Variants in ADAMTS7 observed in about 807,000 individuals in gnomAD.
ADAMTS7 encodes the protein A disintegrin and metalloproteinase with thrombospondin motifs 7.
ADAMTS7 carries 89 observed loss-of-function variants against 172.6 expected under a neutral mutation model. The ratio of observed to expected loss-of-function variants is 0.52; its 90% CI spans 0.43 to 0.61. The LOEUF (loss-of-function observed/expected upper bound fraction) is 0.61, where lower values mean the gene tolerates loss of function less well. ADAMTS7 is among the 20% of genes least tolerant of loss of function. The pLI is 0.00. For missense variants in ADAMTS7, 1,973 were observed against 2,355.6 expected, an observed-to-expected ratio of 0.84 and a Z score of 3.36; for synonymous variants, 885 against 978.4, an observed-to-expected ratio of 0.90 and a Z score of 1.78.
rs1346788036 is a variant in ADAMTS7 at position 78,810,950 on chromosome 15, C to A, written c.100+171G>T. The A allele has an allele frequency of 3.0e-5, 22 of 721,702 alleles. No individual in the cohort carries two copies. In the Admixed American group the frequency reaches 3.1e-4, roughly 10 times the overall value. 44.7% of individuals were successfully genotyped at this position (721,702 alleles called of 1,614,324 possible). A position where few individuals can be genotyped will look rare whatever the true frequency, so the allele number is the denominator to read the frequency against. The stretch of plus-strand genomic sequence containing the variant: ...CAGAAGCGCGGCTTCGCTCCCGGCC[C>A]GGCCCGACCCCGACTACTGTCCCCT... On this transcript the variant is annotated intron_variant, in intron 1 of 23. Transcript: ENST00000388820.
chr15:78,772,589 G>C (rs985708005), intron 14 of ADAMTS7, among the ~76,000 whole-genome samples: 6 of 152,188 alleles, frequency 3.9e-5, no homozygotes, highest in Admixed American at 6.5e-5. Flanking sequence ...AACCTTCCCT[G>C]ACTTCCCCAG....
chr15:78,783,189 A>G (rs920059712), intron 8 of ADAMTS7, among the ~76,000 whole-genome samples: 20 of 152,320 alleles, frequency 1.3e-4, no homozygotes, highest in South Asian at 1.0e-3. Context: ...AGAGACTTGG[A>G]AGAGTCCTGC....
At position 78,763,267 on chromosome 15, in the gene ADAMTS7, T is replaced by C. The variant is rs199543888; in HGVS notation, c.4740+432A>G. ...CAGGACCCAGCTCAGGGCCCAAATC[T>C]GAGATTTCTGAACCCCTCAGTTCCA... On this transcript the variant is annotated intron_variant, in intron 22 of 23. Transcript: ENST00000388820. Among the ~76,000 whole-genome samples, 9 of 152,286 alleles carry C rather than the reference T, an allele frequency of 5.9e-5. No homozygotes were observed. The East Asian group carries it at 1.7e-3, about 29-fold the overall frequency.
At chr15:78,768,638 A>T (rs1419344387) in intron 16 of ADAMTS7, among the ~76,000 whole-genome samples, 1 of 152,172 alleles carries the variant, frequency 6.6e-6, no homozygotes, top group Non-Finnish European at 1.5e-5. Flanking sequence ...TCCTGGAGGG[A>T]GGACTGCGTG....
At chr15:78,780,733 G>A (rs947394710) in intron 8 of ADAMTS7, among the ~76,000 whole-genome samples, 9 of 152,094 alleles carry the variant, frequency 5.9e-5, no homozygotes, top group African/African-American at 1.7e-4. Context: ...GCATGGCCCC[G>A]GCCTCTGCCC....
At chr15:78,777,921 G>T (rs12907867) in intron 8 of ADAMTS7, among the ~76,000 whole-genome samples, 1 of 152,294 alleles carries the variant, frequency 6.6e-6, no homozygotes, top group East Asian at 1.9e-4. Context: ...CGACCCTGCA[G>T]CCTCCGTGTC....
intron 1 of ADAMTS7, among the ~76,000 whole-genome samples, chr15:78,806,051 G>A (rs1476446482): frequency 2.4e-5 from 3 of 123,492 alleles, no homozygotes; most frequent in Non-Finnish European, 4.8e-5. Flanking sequence ...CTGTACTCCA[G>A]CCTGGATGAC....
chr15:78,808,478 C>T (rs927569363), intron 1 of ADAMTS7, among the ~76,000 whole-genome samples: 8 of 152,202 alleles, frequency 5.3e-5, no homozygotes, highest in Admixed American at 2.6e-4. Flanking sequence ...TCAAGTGATC[C>T]GCCAGCCTCA....
At position 78,795,372 on chromosome 15, in the gene ADAMTS7, T is replaced by C. The variant is rs1178250632; in HGVS notation, c.819+1218A>G. 2.6e-5 allele frequency among the ~76,000 whole-genome samples: 4 copies of C among 152,310 alleles called. No homozygotes were observed. In the Middle Eastern group the frequency reaches 0.014, roughly 518 times the overall value. ...TATTCCATATGGAACAGGGAGCCAA[T>C]GAGGGTGTCCCAGTGAGGGAAGAAC... On this transcript the variant is annotated intron_variant, in intron 4 of 23. Coordinates refer to ENST00000388820, the MANE Select transcript of ADAMTS7 (RefSeq NM_014272.5).
Position 78,766,716 on chromosome 15 carries a change from G to T in ADAMTS7, c.3195C>A (p.Tyr1065Ter), listed in dbSNP as rs530479889. ...PGPVFVDDFYYDYNFINFHED... is the reference protein window; with the variant it reads ...PGPVFVDDFY ...CGTGGAAATTGATGAAATTGTAGTC[G>T]TAGTAGAAGTCGTCCACAAACACGG... Residue 1065 changes from tyrosine to a stop codon, truncating the protein, a stop_gained, in exon 19 of 24, where the codon TAC (tyrosine) becomes TAA (stop). Coordinates refer to ENST00000388820, the MANE Select transcript of ADAMTS7 (RefSeq NM_014272.5). LOFTEE classifies it high-confidence loss of function. 5 of 1,610,842 alleles carry T rather than the reference G, an allele frequency of 3.1e-6. No individual in the cohort carries two copies. In the South Asian group the frequency reaches 5.5e-5, roughly 18 times the overall value.
At chr15:78,779,963 G>A (rs1385466070) in intron 8 of ADAMTS7, among the ~76,000 whole-genome samples, 6 of 147,698 alleles carry the variant, frequency 4.1e-5, no homozygotes, top group Non-Finnish European at 9.0e-5. Context: ...AATCCACTGT[G>A]AGAATCAGGC....
At position 78,789,684 on chromosome 15, in the gene ADAMTS7, A is replaced by G. The variant is rs2141508416; in HGVS notation, c.1178+5T>C. 6.2e-7 allele frequency: 1 copy of G among 1,613,696 alleles called. No homozygotes were observed. Among genetic ancestry groups the G allele is most frequent in the Non-Finnish European group, 8.5e-7 (1 of 1,179,942 alleles). On this transcript the variant is annotated splice_donor_5th_base_variant and intron_variant, in intron 7 of 23. Coordinates refer to ENST00000388820, the MANE Select transcript of ADAMTS7 (RefSeq NM_014272.5). ...TCAGTGTAGCAATGGGGGCAGGCAC[A>G]GTACCTGTGCCCGAGCTCGTGGGCT...
At chr15:78,764,998 G>A (rs765710138) in intron 19 of ADAMTS7, 9 of 341,204 alleles carry the variant, frequency 2.6e-5, no homozygotes, top group Non-Finnish European at 4.2e-5. Flanking sequence ...TGGGCACCCC[G>A]ACCAGCTATC....
rs539732757 is a variant in ADAMTS7, at chr15:78,782,940, T to C, written c.1322+5291A>G. Among the ~76,000 whole-genome samples, 842 of 151,996 alleles carry C rather than the reference T, an allele frequency of 5.5e-3. 1 individual carries two copies. Among genetic ancestry groups the C allele is most frequent in the Non-Finnish European group, 9.2e-3 (622 of 67,938 alleles). On this transcript the variant is annotated intron_variant, in intron 8 of 23. Coordinates refer to ENST00000388820, the MANE Select transcript of ADAMTS7 (RefSeq NM_014272.5). ...GAACCAGGAGGCTCTGGCCCAGGAA[T>C]GGTAGACATACATGAAGGCCCAAGG...
At chr15:78,779,042 T>G (rs1077190) in intron 8 of ADAMTS7, among the ~76,000 whole-genome samples, 29,158 of 151,956 alleles carry the variant, frequency 0.19, 3,121 homozygotes, top group South Asian at 0.34. Flanking sequence ...AGTGGGTGTT[T>G]GCGTGGTCTC....
chr15:78,810,893 A>G, intron 1 of ADAMTS7: 1 of 396,224 alleles, frequency 2.5e-6, no homozygotes. Context: ...AGGCAGTGTC[A>G]GTAACTGAAT....
chr15:78,798,226 GAC>G, intron 2 of ADAMTS7, 113 bp from the exon 3 acceptor site: 1 of 1,025,042 alleles, frequency 9.8e-7, no homozygotes, highest in Non-Finnish European at 1.4e-6. Flanking sequence ...CACCACCTGT[GAC>G]TGCCCGCGGA....
rs138786978 is a variant in ADAMTS7 at position 78,766,112 on chromosome 15, C to A, written c.3799G>T (p.Ala1267Ser). 1.2e-3 allele frequency: 2,003 copies of A among 1,610,902 alleles called. No individual in the cohort carries two copies. The highest frequency in any genetic ancestry group is 1.6e-3 in the Non-Finnish European group (1,896 of 1,179,830). The change falls in exon 19 of 24, where the codon GCC (alanine) becomes TCC (serine). Residue 1267 changes from alanine (A) to serine (S), a missense_variant. Physicochemically the swap from Ala to Ser is moderately conservative, Grantham distance 99 (BLOSUM62 1). This residue lies in a region of ADAMTS7 where 771 missense variants were observed against 952.6 expected (regional missense o/e 0.81). Transcript: ENST00000388820. Reference protein sequence around the residue: ...VAELWTGGTVAWEPALEGGLG... With the variant: ...VAELWTGGTVSWEPALEGGLG... ...CCACCCTCCAGAGCTGGCTCCCAGG[C>A]CACTGTGCCTCCTGTCCACAGCTCC...
At position 78,811,279 on chromosome 15, in the gene ADAMTS7, G is replaced by A. The variant is rs2141534880; in HGVS notation, c.-59C>T. 1.6e-6 allele frequency: 2 copies of A among 1,220,218 alleles called. No individual in the cohort carries two copies. Among genetic ancestry groups the A allele is most frequent in the Non-Finnish European group, 1.0e-6 (1 of 980,488 alleles). The allele number at this position is 1,220,218 out of a possible 1,614,324, so 75.6% of individuals were successfully genotyped here. ...GCGCACGCTCTCGTCCGTCCCGTCC[G>A]GTCGCTGCCTGGTCCCAGGTCCGGC... On this transcript the variant is annotated 5_prime_UTR_variant, in exon 1 of 24. Transcript: ENST00000388820.
Sources: gnomAD v4.1 joint callset for allele counts (sites outside exome capture counted in the v4.1 genomes callset) on GRCh38, gnomAD v4.1.1 for gene constraint, gnomAD v4.1.1 regional missense constraint, MANE v1.5 for transcripts, NCBI Gene and HGNC (gene_info 2026-07-23, HGNC 2026-07-21) for gene names.